The following AAK1 variants were observed in gnomAD, a reference collection of about 807,000 sequenced individuals.
The protein encoded by AAK1 is AP2 associated kinase 1, also known as AP2-associated protein kinase 1.
Under a neutral mutation model 116.0 loss-of-function variants are expected in AAK1, and 37 were observed. The observed-to-expected ratio is 0.32, with a 90% confidence interval of 0.25 to 0.42. AAK1 has a LOEUF of 0.42. Ranked by LOEUF, AAK1 falls within the 10% of genes least tolerant of loss-of-function variation. The probability of loss-of-function intolerance (pLI) is 1.00; values close to 1 mark genes in which losing one functional copy is unlikely to be tolerated. For synonymous variants in AAK1, 458 were observed against 439.9 expected, an observed-to-expected ratio of 1.04 and a Z score of -0.51; for missense variants, 919 against 1,170.6, an observed-to-expected ratio of 0.79 and a Z score of 3.14.
intron 2 of AAK1, among the ~76,000 whole-genome samples, chr2:69,575,264 A>G (rs948171339): frequency 6.6e-6 from 1 of 151,850 alleles, no homozygotes; most frequent in African/African-American, 2.4e-5. Context: ...CAATCAATGA[A>G]CTGAATTATG....
intron 2 of AAK1, among the ~76,000 whole-genome samples, chr2:69,577,099 C>T (rs1201031421): frequency 3.3e-5 from 5 of 152,200 alleles, no homozygotes; most frequent in Admixed American, 1.3e-4. Context: ...GCCTGTGAGG[C>T]GAGTACTATT....
rs1330029130 is a variant in AAK1, at chr2:69,462,180, GACACAGTAAGGGGAACATC to G, written c.*13670_*13688del. On this transcript the variant is annotated 3_prime_UTR_variant, in exon 22 of 22. Coordinates refer to ENST00000409085, the MANE Select transcript of AAK1 (RefSeq NM_014911.5). ...GGGAATTGAACAAAGAGAACACATGGACACAGTAAGGGGAACATCACACTCTGGGGACTGTTGTGGGGTG... is the reference window on the plus strand; with the variant it reads ...GGGAATTGAACAAAGAGAACACATGGACACTCTGGGGACTGTTGTGGGGTG... 7.8e-6 allele frequency: 1 copy of G among 127,754 alleles called. No homozygotes were observed. The highest frequency in any genetic ancestry group is 1.6e-5 in the Non-Finnish European group (1 of 64,216). 7.9% of individuals were successfully genotyped at this position (127,754 alleles called of 1,614,324 possible).
chr2:69,498,734 T>C (rs1675855087), intron 16 of AAK1, among the ~76,000 whole-genome samples: 1 of 152,194 alleles, frequency 6.6e-6, no homozygotes. Flanking sequence ...GTCCCTGGAA[T>C]CTGGCCGCCT....
At chr2:69,640,703 G>A (rs78664989) in intron 2 of AAK1, among the ~76,000 whole-genome samples, 4,864 of 152,196 alleles carry the variant, frequency 0.032, 262 homozygotes, top group African/African-American at 0.11. Context: ...CAAAAAGGGC[G>A]CATAGCCAGA....
intron 3 of AAK1, among the ~76,000 whole-genome samples, chr2:69,553,504 C>T (rs1183492564): frequency 8.4e-6 from 1 of 118,586 alleles, no homozygotes; most frequent in Non-Finnish European, 1.6e-5. Context: ...AGTGTAGTGG[C>T]GTGATGTTGG....
At chr2:69,585,396 A>T (rs572699453) in intron 2 of AAK1, among the ~76,000 whole-genome samples, 2 of 152,158 alleles carry the variant, frequency 1.3e-5, no homozygotes, top group African/African-American at 4.8e-5. Flanking sequence ...CCATGTCCCC[A>T]CACCACCCCA....
chr2:69,617,293 A>G (rs1251619793), intron 2 of AAK1, among the ~76,000 whole-genome samples: 1 of 152,242 alleles, frequency 6.6e-6, no homozygotes, highest in East Asian at 1.9e-4. Flanking sequence ...AACACAATCA[A>G]TTCACATCGA....
intron 2 of AAK1, among the ~76,000 whole-genome samples, chr2:69,634,365 G>C (rs1050295954): frequency 6.6e-6 from 1 of 152,170 alleles, no homozygotes; most frequent in African/African-American, 2.4e-5. Flanking sequence ...TGTACAGCTG[G>C]AGTAATAACC....
intron 17 of AAK1, among the ~76,000 whole-genome samples, chr2:69,488,350 G>A (rs1675385973): frequency 6.6e-6 from 1 of 151,988 alleles, no homozygotes; most frequent in African/African-American, 2.4e-5. Flanking sequence ...AAAAGATAGA[G>A]AGTATCATTT....
intron 12 of AAK1, among the ~76,000 whole-genome samples, chr2:69,517,303 G>A (rs142237823): frequency 3.9e-5 from 6 of 152,182 alleles, no homozygotes; most frequent in Non-Finnish European, 5.9e-5. Flanking sequence ...CATGGAAAAC[G>A]TCCAGCCCTC....
At position 69,500,664 on chromosome 2, in the gene AAK1, AATATATATATATATATATATATAT is replaced by A. The variant is rs34635707; in HGVS notation, c.2270-4608_2270-4585del. 6.7e-3 allele frequency among the ~76,000 whole-genome samples: 410 copies of A among 60,848 alleles called. 3 individuals are homozygous for A. Among genetic ancestry groups the A allele is most frequent in the Middle Eastern group, 0.022 (2 of 90 alleles). The allele number at this position is 60,848 out of a possible 152,430, so 39.9% of individuals were successfully genotyped here. On this transcript the variant is annotated intron_variant, in intron 16 of 21. Transcript: ENST00000409085. Reference sequence around the variant, plus strand: ...GTAGCTGTGCCTTTAAGTCCCTTAAAATATATATATATATATATATATATATATATATATACACACACACACACA... The same window carrying A: ...GTAGCTGTGCCTTTAAGTCCCTTAAAATATATATATACACACACACACACA...
chr2:69,607,871 G>A (rs1673879204), intron 2 of AAK1, among the ~76,000 whole-genome samples: 3 of 152,200 alleles, frequency 2.0e-5, no homozygotes, highest in African/African-American at 7.2e-5. Flanking sequence ...ATCTCATCAG[G>A]TGGAGTTGGT....
chr2:69,469,035 C>T lies in AAK1; in HGVS notation c.*6834G>A, dbSNP rs953314844. 1 of 985,278 alleles carries T rather than the reference C, an allele frequency of 1.0e-6. No individual in the cohort carries two copies. Among genetic ancestry groups the T allele is most frequent in the African/African-American group, 1.7e-5 (1 of 57,212 alleles). The allele number at this position is 985,278 out of a possible 1,614,324, so 61.0% of individuals were successfully genotyped here. Reference sequence around the variant, plus strand: ...AAGGGAAAATTAGTCTCCTGTCCTTCAAAACAAGGACAAGAGCTATTTCCT... The same window carrying T: ...AAGGGAAAATTAGTCTCCTGTCCTTTAAAACAAGGACAAGAGCTATTTCCT... On this transcript the variant is annotated 3_prime_UTR_variant, in exon 22 of 22. Transcript: ENST00000409085.
In AAK1 at chr2:69,468,494, A is replaced by C. The variant is rs1464263409; in HGVS notation, c.*7375T>G. ...TTTCTCATCTTCCAAAACTACCTTG[A>C]AAGTTGATGTTATTAAGCTTGTTCT... On this transcript the variant is annotated 3_prime_UTR_variant, in exon 22 of 22. Coordinates refer to ENST00000409085, the MANE Select transcript of AAK1 (RefSeq NM_014911.5). The C allele has an allele frequency of 4.1e-6, 4 of 985,342 alleles. No individual in the cohort carries two copies. Among genetic ancestry groups the C allele is most frequent in the Non-Finnish European group, 4.8e-6 (4 of 829,944 alleles). The allele number at this position is 985,342 out of a possible 1,614,324, so 61.0% of individuals were successfully genotyped here.
At chr2:69,484,382 C>T (rs907922334) in intron 17 of AAK1, among the ~76,000 whole-genome samples, 3 of 152,166 alleles carry the variant, frequency 2.0e-5, no homozygotes, top group Admixed American at 2.0e-4. Context: ...TAACACACTG[C>T]AGAAAAAGAC....
At position 69,621,679 on chromosome 2, in the gene AAK1, A is replaced by G. The variant is rs114709858; in HGVS notation, c.163+21199T>C. ...GATGACTAAAACACAACCCAAGCAC[A>G]CTGCAAACTGATCATGGCCAACTAC... On this transcript the variant is annotated intron_variant, in intron 2 of 21. Coordinates refer to ENST00000409085, the MANE Select transcript of AAK1 (RefSeq NM_014911.5). Among the ~76,000 whole-genome samples the G allele has an allele frequency of 6.6e-3, 999 of 152,298 alleles. 12 individuals carry two copies. The highest frequency in any genetic ancestry group is 0.022 in the African/African-American group (933 of 41,556).
intron 2 of AAK1, among the ~76,000 whole-genome samples, chr2:69,611,811 G>A (rs895079576): frequency 2.0e-4 from 30 of 152,216 alleles, no homozygotes; most frequent in Non-Finnish European, 3.7e-4. Context: ...ATATTATTTA[G>A]CCTTAAAAGG....
At chr2:69,554,522 T>C (rs1364999914) in intron 3 of AAK1, among the ~76,000 whole-genome samples, 3 of 152,224 alleles carry the variant, frequency 2.0e-5, no homozygotes, top group Non-Finnish European at 4.4e-5. Context: ...ATAAACTACA[T>C]ATTGCCAAAG....
At chr2:69,567,580 C>G (rs1192060492) in intron 2 of AAK1, among the ~76,000 whole-genome samples, 3 of 152,002 alleles carry the variant, frequency 2.0e-5, no homozygotes, top group African/African-American at 4.8e-5. Flanking sequence ...AAAAAAACAA[C>G]AAAACTACAA....
Sources: gnomAD v4.1 joint callset for allele counts (sites outside exome capture counted in the v4.1 genomes callset) on GRCh38, gnomAD v4.1.1 for gene constraint, MANE v1.5 for transcripts, NCBI Gene and HGNC (gene_info 2026-07-23, HGNC 2026-07-21) for gene names.